Variants in ACSL5 observed in about 807,000 individuals in gnomAD.
ACSL5 encodes the protein acyl-CoA synthetase long chain family member 5.
A neutral mutation model predicts 84.9 loss-of-function variants in ACSL5; 50 were observed. The observed-to-expected ratio is 0.59, with a 90% confidence interval of 0.47 to 0.75. The LOEUF (loss-of-function observed/expected upper bound fraction) is 0.75, where lower values mean the gene tolerates loss of function less well. ACSL5 is among the 30% of genes least tolerant of loss of function. The pLI is 0.00. For missense variants in ACSL5, 775 were observed against 830.4 expected (o/e 0.93, Z 0.82); for synonymous variants, 280 against 300.7 (o/e 0.93, Z 0.71).
At chr10:112,409,067 A>G (rs930892711) in intron 6 of ACSL5, 4 of 166,590 alleles carry the variant, frequency 2.4e-5, no homozygotes, top group Admixed American at 1.7e-4. Context: ...CACAGTAAAC[A>G]TCATTTGAAA....
chr10:112,420,893 T>C (rs1488943896), intron 14 of ACSL5, among the ~76,000 whole-genome samples: 1 of 152,108 alleles, frequency 6.6e-6, no homozygotes, highest in Non-Finnish European at 1.5e-5. Context: ...GGCTAATTTT[T>C]GTATTTTTAG....
chr10:112,417,954 C>A lies in ACSL5; in HGVS notation c.1314+13C>A. 1.9e-6 allele frequency: 3 copies of A among 1,582,184 alleles called. No individual in the cohort carries two copies. The highest frequency in any genetic ancestry group is 2.6e-6 in the Non-Finnish European group (3 of 1,162,754). ...AATGGGATGTCAGGTAAGCCAAGCACCTTCTTTGAGAATAGGCTATTTTAC... is the reference window on the plus strand; with the variant it reads ...AATGGGATGTCAGGTAAGCCAAGCAACTTCTTTGAGAATAGGCTATTTTAC... On this transcript the variant is annotated intron_variant, in intron 14 of 20. Coordinates refer to ENST00000354655, the MANE Select transcript of ACSL5 (RefSeq NM_203379.2).
At chr10:112,399,148 C>A (rs922127688) in intron 3 of ACSL5, 139 bp downstream of exon 3, 9 of 713,020 alleles carry the variant, frequency 1.3e-5, no homozygotes, top group Non-Finnish European at 4.8e-6. Flanking sequence ...AAAATAGAGG[C>A]AACATTAGAA....
intron 1 of ACSL5, among the ~76,000 whole-genome samples, chr10:112,380,639 C>T (rs942218319): frequency 2.0e-5 from 3 of 152,194 alleles, no homozygotes; most frequent in South Asian, 4.1e-4. Flanking sequence ...TTGGTCTCTC[C>T]GTGAAGAAAG....
intron 1 of ACSL5, 94 bp from the exon 2 acceptor site, chr10:112,394,822 ATG>A (rs144241876): frequency 6.9e-3 from 9,401 of 1,369,586 alleles, no homozygotes; most frequent in Admixed American, 0.015. Flanking sequence ...GTGTGTGTGT[ATG>A]TGTGTGTGTG....
chr10:112,402,545 T>TC (rs1415556853), intron 3 of ACSL5, among the ~76,000 whole-genome samples: 1 of 152,218 alleles, frequency 6.6e-6, no homozygotes, highest in Non-Finnish European at 1.5e-5. Context: ...GGAAAGTTAG[T>TC]CTGAGACGTT....
chr10:112,424,762 A>G (rs1366100144), intron 17 of ACSL5: 1 of 152,194 alleles, frequency 6.6e-6, no homozygotes, highest in African/African-American at 2.4e-5. Flanking sequence ...CCTCAGACCA[A>G]TTAGTTCAGA....
chr10:112,425,150 G>C (rs2133681710), intron 17 of ACSL5, 188 bp from the exon 18 acceptor site: 1 of 488,574 alleles, frequency 2.0e-6, no homozygotes, highest in South Asian at 3.6e-5. Flanking sequence ...ATACAGTAAA[G>C]ACAGGTTCTT....
intron 1 of ACSL5, among the ~76,000 whole-genome samples, chr10:112,393,175 C>T (rs1041502730): frequency 1.3e-5 from 2 of 152,066 alleles, no homozygotes; most frequent in Non-Finnish European, 2.9e-5. Flanking sequence ...TCCAAAAATC[C>T]CAACTCTCAG....
At position 112,381,634 on chromosome 10, in the gene ACSL5, C is replaced by G. The variant is rs1176168067; in HGVS notation, c.-30+7365C>G. ...AGTGAGCCAAGATCGTACCACTGCA[C>G]TCCAGCCTGGGTGACAGAGTGAGAC... On this transcript the variant is annotated intron_variant, in intron 1 of 20. Coordinates refer to ENST00000354655, the MANE Select transcript of ACSL5 (RefSeq NM_203379.2). 2.1e-5 allele frequency among the ~76,000 whole-genome samples: 3 copies of G among 143,942 alleles called. No individual in the cohort carries two copies. In the East Asian group the frequency reaches 6.4e-4, roughly 31 times the overall value. The allele number at this position is 143,942 out of a possible 152,430, so 94.4% of individuals were successfully genotyped here. A position where few individuals can be genotyped will look rare whatever the true frequency, so the allele number is the denominator to read the frequency against.
chr10:112,379,900 G>T (rs780416531), intron 1 of ACSL5, among the ~76,000 whole-genome samples: 4 of 152,192 alleles, frequency 2.6e-5, no homozygotes, highest in Non-Finnish European at 5.9e-5. Flanking sequence ...TGATTCTGCA[G>T]AAAACTAAGG....
rs75174861 is a variant in ACSL5 at position 112,385,541 on chromosome 10, A to G, written c.-29-9377A>G. On this transcript the variant is annotated intron_variant, in intron 1 of 20. Transcript: ENST00000354655. Reference sequence around the variant, plus strand: ...CACTGGAATCTGATGCACGAGGAAAAGGCATGTCATTTAAATCTGCATTCT... The same window carrying G: ...CACTGGAATCTGATGCACGAGGAAAGGGCATGTCATTTAAATCTGCATTCT... 9.4e-3 allele frequency among the ~76,000 whole-genome samples: 1,433 copies of G among 152,350 alleles called. 19 individuals carry two copies. The highest frequency in any genetic ancestry group is 0.033 in the African/African-American group (1,363 of 41,572).
intron 1 of ACSL5, 184 bp from the exon 2 acceptor site, chr10:112,394,734 G>A (rs1417952045): frequency 1.5e-5 from 15 of 984,886 alleles, no homozygotes; most frequent in Non-Finnish European, 1.7e-5. Context: ...ATTTTCAACA[G>A]TGCTAAGTAA....
intron 3 of ACSL5, among the ~76,000 whole-genome samples, chr10:112,400,205 T>G (rs1843846466): frequency 6.6e-6 from 1 of 152,032 alleles, no homozygotes; most frequent in Admixed American, 6.6e-5. Context: ...TATAATTTCC[T>G]TTGGGGTTTT....
rs1422940030 is a variant in ACSL5, at chr10:112,374,268, A to G, written c.-31A>G. 1 of 152,148 alleles carries G rather than the reference A, an allele frequency of 6.6e-6. No homozygotes were observed. The highest frequency in any genetic ancestry group is 1.5e-5 in the Non-Finnish European group (1 of 68,042). 9.4% of individuals were successfully genotyped at this position (152,148 alleles called of 1,614,324 possible). ...CCCAGGAAGGGAGAGTCTTCTTCCA[A>G]GGTAAGCTGCAATGATACTACCTGC... is the stretch of plus-strand genomic sequence containing the variant. On this transcript the variant is annotated splice_region_variant and 5_prime_UTR_variant, in exon 1 of 21. Transcript: ENST00000354655.
At chr10:112,411,309 G>A (rs1400606316) in intron 9 of ACSL5, 147 bp from the exon 10 acceptor site, 2 of 661,114 alleles carry the variant, frequency 3.0e-6, no homozygotes, top group African/African-American at 1.8e-5. Context: ...CCTAAACAGA[G>A]GCATATACCA....
chr10:112,402,064 C>T (rs1021937497), intron 3 of ACSL5, among the ~76,000 whole-genome samples: 2 of 151,714 alleles, frequency 1.3e-5, no homozygotes, highest in African/African-American at 4.8e-5. Context: ...CTCCTGGGCT[C>T]AAGCCATTCT....
At chr10:112,378,830 G>A (rs1356037746) in intron 1 of ACSL5, among the ~76,000 whole-genome samples, 8 of 152,134 alleles carry the variant, frequency 5.3e-5, no homozygotes, top group Admixed American at 2.6e-4. Context: ...GTCCTCCCTG[G>A]CGCAGGGCCT....
At chr10:112,422,161 G>A in intron 16 of ACSL5, 126 bp downstream of exon 16, 1 of 1,192,884 alleles carries the variant, frequency 8.4e-7, no homozygotes, top group Non-Finnish European at 1.2e-6. Context: ...TAAGCATTCT[G>A]AACTTCACTT....
Sources: allele counts gnomAD v4.1 joint callset (sites outside exome capture counted in the v4.1 genomes callset), GRCh38; gene constraint gnomAD v4.1.1; transcripts MANE v1.5; gene names NCBI Gene and HGNC (gene_info 2026-07-23, HGNC 2026-07-21).